Variants in TLCD4 observed in about 807,000 individuals in gnomAD.
The protein encoded by TLCD4 is TLC domain-containing protein 4.
TLCD4 carries 7 observed loss-of-function variants against 24.2 expected under a neutral mutation model. The observed-to-expected ratio is 0.29, with a 90% confidence interval of 0.16 to 0.54. TLCD4 has a LOEUF of 0.54. Among genes scored for constraint, TLCD4 ranks in the 20% least tolerant of loss-of-function variants. The pLI is 0.95. For missense variants in TLCD4, 259 were observed against 313.9 expected (o/e 0.82, Z 1.32); for synonymous variants, 103 against 106.4 (o/e 0.97, Z 0.20).
chr1:95,137,057 G>A (rs1249735556), intron 1 of TLCD4, among the ~76,000 whole-genome samples: 1 of 152,120 alleles, frequency 6.6e-6, no homozygotes, highest in African/African-American at 2.4e-5. Flanking sequence ...GGAGGTGCAG[G>A]GCGCATAGCC....
chr1:95,180,729 A>T (rs1179836623), intron 6 of TLCD4, among the ~76,000 whole-genome samples: 1 of 152,166 alleles, frequency 6.6e-6, no homozygotes, highest in African/African-American at 2.4e-5. Context: ...ATATTTTATG[A>T]ATTGATATTG....
At chr1:95,112,020 G>T in the TLCD4 span, among the ~76,000 whole-genome samples, 1 of 152,298 alleles carries the variant, frequency 6.6e-6, no homozygotes, top group East Asian at 1.9e-4. Context: ...TTTGGTCAAG[G>T]ATGTCTCAAT....
At chr1:95,162,911 C>T (rs1310508256) in intron 5 of TLCD4, among the ~76,000 whole-genome samples, 1 of 152,188 alleles carries the variant, frequency 6.6e-6, no homozygotes, top group Admixed American at 6.5e-5. Flanking sequence ...GTAACCCAAC[C>T]TTTCTCTCTG....
At chr1:95,149,622 A>C (rs540360790) in intron 3 of TLCD4, among the ~76,000 whole-genome samples, 1 of 152,284 alleles carries the variant, frequency 6.6e-6, no homozygotes, top group South Asian at 2.1e-4. Flanking sequence ...ATTGAATTTA[A>C]TTCCATGACT....
intron 5 of TLCD4, among the ~76,000 whole-genome samples, chr1:95,157,519 GTTGA>G (rs1677666699): frequency 6.6e-6 from 1 of 152,126 alleles, no homozygotes; most frequent in Non-Finnish European, 1.5e-5. Context: ...AATGACTATG[GTTGA>G]TTGAAATCCA....
chr1:95,174,605 A>G (rs983442747), intron 6 of TLCD4, among the ~76,000 whole-genome samples: 1 of 151,996 alleles, frequency 6.6e-6, no homozygotes, highest in Middle Eastern at 3.2e-3. Flanking sequence ...GAAGGATTGC[A>G]TGAGTCCAAG....
At position 95,192,422 on chromosome 1, in the gene TLCD4, A is replaced by G. The variant is rs1679057605; in HGVS notation, c.*554A>G. ...AATCTTAAAGGTTTAAATAAAAATGATCAATATAATGGTGAATCTTTTGAG... is the reference window on the plus strand; with the variant it reads ...AATCTTAAAGGTTTAAATAAAAATGGTCAATATAATGGTGAATCTTTTGAG... On this transcript the variant is annotated 3_prime_UTR_variant, in exon 7 of 7. Coordinates refer to ENST00000370203, the MANE Select transcript of TLCD4 (RefSeq NM_152487.3). 2 of 152,512 alleles carry G rather than the reference A, an allele frequency of 1.3e-5. No homozygotes were observed. Among genetic ancestry groups the G allele is most frequent in the Admixed American group, 6.5e-5 (1 of 15,302 alleles). 9.4% of individuals were successfully genotyped at this position (152,512 alleles called of 1,614,324 possible).
intron 5 of TLCD4, among the ~76,000 whole-genome samples, chr1:95,152,887 G>A (rs985658118): frequency 3.9e-5 from 6 of 151,930 alleles, no homozygotes; most frequent in African/African-American, 1.5e-4. Flanking sequence ...ACCATCCTTT[G>A]TACACCCTTT....
chr1:95,132,835 G>A (rs571495991), intron 1 of TLCD4, among the ~76,000 whole-genome samples: 3 of 152,236 alleles, frequency 2.0e-5, no homozygotes, highest in South Asian at 4.2e-4. Flanking sequence ...TGTTATGGAA[G>A]TACAGGAAGA....
chr1:95,181,015 T>C (rs1678618157), intron 6 of TLCD4, among the ~76,000 whole-genome samples: 1 of 152,216 alleles, frequency 6.6e-6, no homozygotes, highest in African/African-American at 2.4e-5. Flanking sequence ...TAGAATTACT[T>C]GAACCCAGTT....
intron 1 of TLCD4, chr1:95,117,851 G>C (rs1275536196): frequency 6.6e-6 from 1 of 151,198 alleles, no homozygotes; most frequent in African/African-American, 2.4e-5. Flanking sequence ...GCTCAGCATC[G>C]TCCCCGCCCG....
intron 2 of TLCD4, among the ~76,000 whole-genome samples, chr1:95,147,865 T>C (rs1045859841): frequency 3.9e-5 from 6 of 152,178 alleles, no homozygotes; most frequent in Admixed American, 1.3e-4. Context: ...ATCCTAAGTA[T>C]AGTTCTCTAA....
At chr1:95,177,508 C>G (rs1021495112) in intron 6 of TLCD4, among the ~76,000 whole-genome samples, 5 of 152,106 alleles carry the variant, frequency 3.3e-5, no homozygotes, top group Non-Finnish European at 7.4e-5. Context: ...TGACAGGGCT[C>G]CCTAGTTCTG....
In TLCD4 at chr1:95,196,629, G is replaced by T. The variant is rs1679215278; in HGVS notation, c.*4761G>T. The T allele has an allele frequency of 6.6e-6, 1 of 152,160 alleles. No individual in the cohort carries two copies. The allele number at this position is 152,160 out of a possible 1,614,324, so 9.4% of individuals were successfully genotyped here. ...TTCACTCTAAGCAGTGGACCATTTT[G>T]ATATCAGGCCCTATACATAAGACCA... is the stretch of plus-strand genomic sequence containing the variant. On this transcript the variant is annotated 3_prime_UTR_variant, in exon 7 of 7. Transcript: ENST00000370203.
chr1:95,149,331 C>G (rs1180905893), intron 3 of TLCD4, among the ~76,000 whole-genome samples: 1 of 152,096 alleles, frequency 6.6e-6, no homozygotes, highest in African/African-American at 2.4e-5. Flanking sequence ...ATTTAAATGT[C>G]ATTCCAATGG....
the TLCD4 span, among the ~76,000 whole-genome samples, chr1:95,105,238 T>A: frequency 6.6e-6 from 1 of 152,190 alleles, no homozygotes; most frequent in Non-Finnish European, 1.5e-5. Flanking sequence ...TGCATTTCAC[T>A]GCATTGTAAA....
At chr1:95,115,300 G>A (rs975202278), upstream of TLCD4, among the ~76,000 whole-genome samples, 1 of 151,926 alleles carries the variant, frequency 6.6e-6, no homozygotes, top group African/African-American at 2.4e-5. Flanking sequence ...TAGAGACAGG[G>A]TTTCTCCATG....
chr1:95,194,328 A>G lies in TLCD4; in HGVS notation c.*2460A>G, dbSNP rs1679125149. 6.6e-6 allele frequency: 1 copy of G among 152,152 alleles called. No individual in the cohort carries two copies. The highest frequency in any genetic ancestry group is 2.4e-5 in the African/African-American group (1 of 41,454). 9.4% of individuals were successfully genotyped at this position (152,152 alleles called of 1,614,324 possible). On this transcript the variant is annotated 3_prime_UTR_variant, in exon 7 of 7. Coordinates refer to ENST00000370203, the MANE Select transcript of TLCD4 (RefSeq NM_152487.3). ...ACATGGAATGGAAATGCCACTAGAA[A>G]CTGCCCTGCTACTTTTAAGTCTGAC...
chr1:95,099,213 A>G, the TLCD4 span, among the ~76,000 whole-genome samples: 9 of 152,188 alleles, frequency 5.9e-5, no homozygotes, highest in East Asian at 1.5e-3. Flanking sequence ...AAATCACTTG[A>G]GTCCAGAAGT....
Sources: allele counts gnomAD v4.1 joint callset (sites outside exome capture counted in the v4.1 genomes callset), GRCh38; gene constraint gnomAD v4.1.1; transcripts MANE v1.5; gene names NCBI Gene and HGNC (gene_info 2026-07-23, HGNC 2026-07-21).